PLCL1: variants seen among roughly 807,000 people sequenced by gnomAD.
The protein encoded by PLCL1 is inactive phospholipase C-like protein 1.
In PLCL1, 41 loss-of-function variants were observed where a neutral mutation model predicts 84.4. That is an observed-to-expected ratio of 0.49 (90% CI 0.38 to 0.63). The LOEUF is 0.63. PLCL1 is among the 30% of genes least tolerant of loss of function. The pLI, the probability that PLCL1 is intolerant of heterozygous loss-of-function variation, is 0.00. For missense variants in PLCL1, 1,206 were observed against 1,367.8 expected (o/e 0.88, Z 1.87); for synonymous variants, 490 against 488.3 (o/e 1.00, Z -0.05).
At chr2:197,933,770 T>C (rs1688995260) in intron 1 of PLCL1, among the ~76,000 whole-genome samples, 1 of 152,174 alleles carries the variant, frequency 6.6e-6, no homozygotes, top group Non-Finnish European at 1.5e-5. Flanking sequence ...TTTCTTATTC[T>C]ATATTAAATG....
intron 1 of PLCL1, among the ~76,000 whole-genome samples, chr2:197,957,130 G>T (rs1271389816): frequency 6.6e-6 from 1 of 151,884 alleles, no homozygotes; most frequent in East Asian, 1.9e-4. Flanking sequence ...CTTTTTAAAA[G>T]CTTTTAATTC....
intron 1 of PLCL1, among the ~76,000 whole-genome samples, chr2:197,838,612 G>A (rs772522789): frequency 2.6e-5 from 4 of 152,172 alleles, no homozygotes; most frequent in African/African-American, 4.8e-5. Flanking sequence ...TGTATGCTAG[G>A]TATTTCTATA....
chr2:197,991,775 T>C (rs1327859213), intron 1 of PLCL1, among the ~76,000 whole-genome samples: 1 of 152,170 alleles, frequency 6.6e-6, no homozygotes, highest in Non-Finnish European at 1.5e-5. Context: ...TCCCACTCAG[T>C]GCTTCTACTT....
At chr2:197,960,375 T>A (rs1689587734) in intron 1 of PLCL1, among the ~76,000 whole-genome samples, 1 of 152,114 alleles carries the variant, frequency 6.6e-6, no homozygotes, top group Admixed American at 6.6e-5. Context: ...GAAAACAGAA[T>A]GATCAGTCTA....
chr2:197,834,612 C>T (rs1691142841), intron 1 of PLCL1, among the ~76,000 whole-genome samples: 1 of 152,176 alleles, frequency 6.6e-6, no homozygotes, highest in Non-Finnish European at 1.5e-5. Context: ...CCATCTCACG[C>T]CAGTTAGAAT....
chr2:198,116,551 A>C (rs1050837798), intron 5 of PLCL1, among the ~76,000 whole-genome samples: 19 of 151,902 alleles, frequency 1.3e-4, no homozygotes, highest in Non-Finnish European at 1.8e-4. Context: ...AAATTCATAA[A>C]AATTTACACA....
At chr2:198,059,183 T>C (rs1283214921) in intron 1 of PLCL1, among the ~76,000 whole-genome samples, 1 of 152,208 alleles carries the variant, frequency 6.6e-6, no homozygotes, top group Non-Finnish European at 1.5e-5. Context: ...ACTCAAGCTT[T>C]TGGGGCATAG....
At chr2:198,015,204 C>T (rs1365378787) in intron 1 of PLCL1, among the ~76,000 whole-genome samples, 1 of 152,098 alleles carries the variant, frequency 6.6e-6, no homozygotes, top group Non-Finnish European at 1.5e-5. Flanking sequence ...GCCTATCTAT[C>T]TATCTATCTA....
chr2:197,808,065 A>G (rs1306359987), intron 1 of PLCL1, among the ~76,000 whole-genome samples: 5 of 152,204 alleles, frequency 3.3e-5, no homozygotes, highest in Non-Finnish European at 7.4e-5. Flanking sequence ...TTCTACTGAC[A>G]TTGTGTTTCT....
At chr2:198,025,400 A>G (rs2105843756) in intron 1 of PLCL1, among the ~76,000 whole-genome samples, 1 of 152,072 alleles carries the variant, frequency 6.6e-6, no homozygotes, top group Admixed American at 6.6e-5. Context: ...TTCTCATGTA[A>G]CAATACATTC....
At chr2:197,953,233 C>T (rs1203850735) in intron 1 of PLCL1, among the ~76,000 whole-genome samples, 1 of 151,990 alleles carries the variant, frequency 6.6e-6, no homozygotes, top group African/African-American at 2.4e-5. Flanking sequence ...ATATAATTTC[C>T]AAAGTTTGGT....
At position 198,146,958 on chromosome 2, in the gene PLCL1, T is replaced by C. The variant is rs1694534972; in HGVS notation, c.3284T>C (p.Leu1095Pro). 6.3e-7 allele frequency: 1 copy of C among 1,594,904 alleles called. No individual in the cohort carries two copies. The highest frequency in any genetic ancestry group is 1.1e-5 in the South Asian group (1 of 88,938). ...GAAAGTAGTGAGGAGAATGGGAAGC[T>C]GTGACTCTGGGCATTATCGACACGT... ...EKESSEENGK[L>P] The change falls in exon 6 of 6, where the codon CTG becomes CCG. Residue 1095 changes from leucine to proline, a missense_variant. Physicochemically the swap from Leu to Pro is moderately conservative, Grantham distance 98. Transcript: ENST00000428675.
Position 198,053,935 on chromosome 2 carries a change from G to GT in PLCL1, c.241-29822dup, listed in dbSNP as rs1299980406. On this transcript the variant is annotated intron_variant, in intron 1 of 5. Coordinates refer to ENST00000428675, the MANE Select transcript of PLCL1 (RefSeq NM_006226.4). ...ATTTCACTGCCTTTCCCACTTCAGT[G>GT]TATTGCAGCTGCAGGAGTATTTATG... Among the ~76,000 whole-genome samples the GT allele has an allele frequency of 2.0e-5, 3 of 152,210 alleles. No individual in the cohort carries two copies. The South Asian group carries it at 6.2e-4, about 32-fold the overall frequency.
At chr2:197,972,345 A>G (rs1689886788) in intron 1 of PLCL1, among the ~76,000 whole-genome samples, 1 of 152,234 alleles carries the variant, frequency 6.6e-6, no homozygotes, top group South Asian at 2.1e-4. Flanking sequence ...ACCTCAACAA[A>G]TTACATGTAG....
chr2:198,132,006 A>T (rs1434475888), intron 5 of PLCL1, among the ~76,000 whole-genome samples: 2 of 152,164 alleles, frequency 1.3e-5, no homozygotes, highest in Non-Finnish European at 2.9e-5. Flanking sequence ...TTGCCTTAAG[A>T]GCAAGAATTG....
chr2:197,851,350 G>A (rs967958185), intron 1 of PLCL1, among the ~76,000 whole-genome samples: 3 of 152,170 alleles, frequency 2.0e-5, no homozygotes, highest in Admixed American at 2.0e-4. Flanking sequence ...CAGTACAGAT[G>A]CATTTTAGTA....
intron 1 of PLCL1, among the ~76,000 whole-genome samples, chr2:197,905,217 G>A (rs940969758): frequency 2.6e-5 from 4 of 152,124 alleles, no homozygotes; most frequent in African/African-American, 9.7e-5. Context: ...ACATGCATTA[G>A]GTATTTCTCC....
intron 1 of PLCL1, among the ~76,000 whole-genome samples, chr2:197,996,415 A>C (rs2105816832): frequency 6.6e-6 from 1 of 152,322 alleles, no homozygotes; most frequent in Admixed American, 6.5e-5. Flanking sequence ...ACATAACACA[A>C]AGAAAACTCT....
intron 1 of PLCL1, among the ~76,000 whole-genome samples, chr2:197,904,890 A>G (rs183761478): frequency 6.6e-6 from 1 of 152,182 alleles, no homozygotes; most frequent in Non-Finnish European, 1.5e-5. Flanking sequence ...ATTAGCTCTA[A>G]TATTTATGAA....
Sources: allele counts gnomAD v4.1 joint callset (sites outside exome capture counted in the v4.1 genomes callset), GRCh38; gene constraint gnomAD v4.1.1; transcripts MANE v1.5; gene names NCBI Gene and HGNC (gene_info 2026-07-23, HGNC 2026-07-21).